The following CFHR3 variants were observed in gnomAD, a reference collection of about 807,000 sequenced individuals.
CFHR3 encodes complement factor H related 3, also known as complement factor H-related protein 3.
Under a neutral mutation model 36.0 loss-of-function variants are expected in CFHR3, and 22 were observed. The ratio of observed to expected loss-of-function variants is 0.61; its 90% CI spans 0.44 to 0.87. The LOEUF (loss-of-function observed/expected upper bound fraction) is 0.87. Ranked by LOEUF, CFHR3 falls within the 40% of genes least tolerant of loss-of-function variation. The pLI, the probability that CFHR3 is intolerant of heterozygous loss-of-function variation, is 0.00. For synonymous variants in CFHR3, 97 were observed against 137.4 expected, an observed-to-expected ratio of 0.71 and a Z score of 2.06; for missense variants, 276 against 401.3, an observed-to-expected ratio of 0.69 and a Z score of 2.67.
intron 4 of CFHR3, 61 bp downstream of exon 4, chr1:196,788,459 T>C (rs1273561277): frequency 1.3e-6 from 2 of 1,505,376 alleles, no homozygotes; most frequent in African/African-American, 3.4e-5. Flanking sequence ...TTTGAGATGA[T>C]AGTGTTTTAC....
intron 1 of CFHR3, among the ~76,000 whole-genome samples, chr1:196,775,149 G>A (rs1429513581): frequency 1.5e-5 from 2 of 136,670 alleles, no homozygotes; most frequent in African/African-American, 6.1e-5. Flanking sequence ...AATGAATAAT[G>A]TTTTATTTGT....
In CFHR3 at chr1:196,783,072, T is replaced by C. The variant is rs896954720; in HGVS notation, c.430+3099T>C. Among the ~76,000 whole-genome samples, 3 of 137,296 alleles carry C rather than the reference T, an allele frequency of 2.2e-5. 1 individual carries two copies. The highest frequency in any genetic ancestry group is 9.1e-5 in the African/African-American group (3 of 32,874). 90.1% of individuals were successfully genotyped at this position (137,296 alleles called of 152,430 possible). A position where few individuals can be genotyped will look rare whatever the true frequency, so the allele number is the denominator to read the frequency against. On this transcript the variant is annotated intron_variant, in intron 3 of 5. Coordinates refer to ENST00000367425, the MANE Select transcript of CFHR3 (RefSeq NM_021023.6). The stretch of plus-strand genomic sequence containing the variant: ...TCTATTGAGATAATCATGTGGTTTT[T>C]GTCTTTGGTTCTGTCTATATGCTGG...
In CFHR3 at chr1:196,789,850, A is replaced by T. The variant is rs539993743; in HGVS notation, c.614-195A>T. Reference sequence around the variant, plus strand: ...TATATGTACACATATGTGTGTACATATATGTACATATATATGTAGTCCTCC... The same window carrying T: ...TATATGTACACATATGTGTGTACATTTATGTACATATATATGTAGTCCTCC... On this transcript the variant is annotated intron_variant, in intron 4 of 5. Coordinates refer to ENST00000367425, the MANE Select transcript of CFHR3 (RefSeq NM_021023.6). 9.5e-4 allele frequency: 1,074 copies of T among 1,129,830 alleles called. 258 individuals are homozygous for T. In the African/African-American group the frequency reaches 0.02, roughly 21 times the overall value. The allele number at this position is 1,129,830 out of a possible 1,614,324, so 70.0% of individuals were successfully genotyped here.
chr1:196,786,188 C>A (rs1200619414), intron 3 of CFHR3, among the ~76,000 whole-genome samples: 1 of 135,678 alleles, frequency 7.4e-6, no homozygotes, highest in Non-Finnish European at 1.6e-5. Context: ...AGTACCCGGC[C>A]GTGTGAGGTG....
At chr1:196,774,998 T>C in intron 1 of CFHR3, 54 bp downstream of exon 1, 2 of 1,335,780 alleles carry the variant, frequency 1.5e-6, no homozygotes, top group Non-Finnish European at 2.1e-6. Context: ...TAACTTCATG[T>C]AATATCTAGC....
At chr1:196,776,803 A>G (rs1653739570) in intron 1 of CFHR3, among the ~76,000 whole-genome samples, 1 of 130,814 alleles carries the variant, frequency 7.6e-6, no homozygotes, top group South Asian at 2.6e-4. Flanking sequence ...AATATTAATA[A>G]TTAAAAATAA....
chr1:196,790,748 ATAAATAAATAAATAAATAAAT>A (rs1654396715), intron 5 of CFHR3, among the ~76,000 whole-genome samples: 1 of 73,440 alleles, frequency 1.4e-5, no homozygotes, highest in Non-Finnish European at 2.4e-5. Flanking sequence ...TAATAAATAA[ATAAATAAATAAATAAATAAAT>A]AAATAAATAA....
rs1435732514 is a variant in CFHR3 at position 196,784,244 on chromosome 1, T to A, written c.431-3972T>A. On this transcript the variant is annotated intron_variant, in intron 3 of 5. Transcript: ENST00000367425. ...CCAACTATGTGGTCAATTTTGGAAT[T>A]GGTGTGGTGTGGTGCTGAAAAAAAT... Among the ~76,000 whole-genome samples the A allele has an allele frequency of 2.9e-5, 4 of 136,124 alleles. 1 individual carries two copies. Among genetic ancestry groups the A allele is most frequent in the South Asian group, 2.6e-4 (1 of 3,882 alleles). 89.3% of individuals were successfully genotyped at this position (136,124 alleles called of 152,430 possible). A position where few individuals can be genotyped will look rare whatever the true frequency, so the allele number is the denominator to read the frequency against.
chr1:196,789,723 G>A, intron 4 of CFHR3: 2 of 1,445,454 alleles, frequency 1.4e-6, no homozygotes, highest in Non-Finnish European at 1.8e-6. Flanking sequence ...ATAGTGTGTG[G>A]TGAAGATGGG....
At chr1:196,784,370 A>G (rs12566895) in intron 3 of CFHR3, among the ~76,000 whole-genome samples, 40,360 of 133,808 alleles carry the variant, frequency 0.3, 11,914 homozygotes, top group East Asian at 0.53. Flanking sequence ...TTGACTTTCC[A>G]TCTCGTTGAT....
chr1:196,791,334 T>C (rs147570206), intron 5 of CFHR3, among the ~76,000 whole-genome samples: 1 of 136,430 alleles, frequency 7.3e-6, no homozygotes, highest in Non-Finnish European at 1.5e-5. Flanking sequence ...GCCACAATGA[T>C]TATGGCAACA....
At position 196,781,863 on chromosome 1, in the gene CFHR3, A is replaced by G. The variant is rs1215120284; in HGVS notation, c.430+1890A>G. On this transcript the variant is annotated intron_variant, in intron 3 of 5. Coordinates refer to ENST00000367425, the MANE Select transcript of CFHR3 (RefSeq NM_021023.6). ...TGCCATTGCTTTTGGTGTTTTAGAC[A>G]TGAAGTCCTTGCCCATGCCTATGTC... Among the ~76,000 whole-genome samples, 2 of 136,448 alleles carry G rather than the reference A, an allele frequency of 1.5e-5. 1 individual carries two copies. Among genetic ancestry groups the G allele is most frequent in the African/African-American group, 6.1e-5 (2 of 32,594 alleles). The allele number at this position is 136,448 out of a possible 152,430, so 89.5% of individuals were successfully genotyped here.
At chr1:196,790,520 T>C (rs1009336509) in intron 5 of CFHR3, among the ~76,000 whole-genome samples, 1 of 134,474 alleles carries the variant, frequency 7.4e-6, no homozygotes, top group Non-Finnish European at 1.6e-5. Flanking sequence ...AGGTCAGGAG[T>C]TCGAGATCAG....
chr1:196,779,414 A>G (rs1474479708), intron 2 of CFHR3, 58 bp downstream of exon 2: 12 of 1,245,212 alleles, frequency 9.6e-6, no homozygotes, highest in African/African-American at 1.9e-5. Flanking sequence ...TAAAGAGAGG[A>G]GAGCACATAA....
rs1183179878 is a variant in CFHR3, at chr1:196,784,899, C to T, written c.431-3317C>T. Among the ~76,000 whole-genome samples, 927 of 131,500 alleles carry T rather than the reference C, an allele frequency of 7.0e-3. 219 individuals carry two copies. The highest frequency in any genetic ancestry group is 0.026 in the African/African-American group (824 of 31,840). The allele number at this position is 131,500 out of a possible 152,430, so 86.3% of individuals were successfully genotyped here. On this transcript the variant is annotated intron_variant, in intron 3 of 5. Coordinates refer to ENST00000367425, the MANE Select transcript of CFHR3 (RefSeq NM_021023.6). ...AGTTGATGCAGTTTCTTCCTAGTCT[C>T]GATGGTCTTTACATTTTGGCATGAT...
intron 1 of CFHR3, among the ~76,000 whole-genome samples, chr1:196,776,233 A>G (rs1198346759): frequency 7.4e-6 from 1 of 135,042 alleles, no homozygotes; most frequent in African/African-American, 3.1e-5. Flanking sequence ...CTTATCTGAT[A>G]TTCCAGTGGA....
intron 3 of CFHR3, among the ~76,000 whole-genome samples, chr1:196,782,378 A>G (rs1428993638): frequency 7.3e-6 from 1 of 136,880 alleles, no homozygotes; most frequent in Non-Finnish European, 1.6e-5. Context: ...CATTGAATCT[A>G]TAAATTACCT....
rs569117942 is a variant in CFHR3, at chr1:196,792,051, T to A, written c.797-1266T>A. ...AAAGATTACATATACATATGGCATA[T>A]TAAAGCAATGAGGAAAATTTTCCCA... On this transcript the variant is annotated intron_variant, in intron 5 of 5. Transcript: ENST00000367425. Among the ~76,000 whole-genome samples, 5 of 131,972 alleles carry A rather than the reference T, an allele frequency of 3.8e-5. 1 individual carries two copies. The South Asian group carries it at 1.3e-3, about 35-fold the overall frequency. The allele number at this position is 131,972 out of a possible 152,430, so 86.6% of individuals were successfully genotyped here.
rs144324176 is a variant in CFHR3 at position 196,791,499 on chromosome 1, A to G, written c.796+1272A>G. Among the ~76,000 whole-genome samples, 94 of 115,838 alleles carry G rather than the reference A, an allele frequency of 8.1e-4. 14 individuals carry two copies. In the East Asian group the frequency reaches 0.024, roughly 30 times the overall value. The allele number at this position is 115,838 out of a possible 152,430, so 76.0% of individuals were successfully genotyped here. A position where few individuals can be genotyped will look rare whatever the true frequency, so the allele number is the denominator to read the frequency against. Reference sequence around the variant, plus strand: ...AGTTTTTCAAGTGCTCAAGTTCCTAAGTACAGGATGATACAAGCAGTTGTT... The same window carrying G: ...AGTTTTTCAAGTGCTCAAGTTCCTAGGTACAGGATGATACAAGCAGTTGTT... On this transcript the variant is annotated intron_variant, in intron 5 of 5. Transcript: ENST00000367425.
Sources: allele counts gnomAD v4.1 joint callset (sites outside exome capture counted in the v4.1 genomes callset), GRCh38; gene constraint gnomAD v4.1.1; transcripts MANE v1.5; gene names NCBI Gene and HGNC (gene_info 2026-07-23, HGNC 2026-07-21).